Variants in CTTN observed in about 807,000 individuals in gnomAD.
CTTN encodes cortactin, also known as src substrate cortactin.
A neutral mutation model predicts 84.0 loss-of-function variants in CTTN; 28 were observed. That is an observed-to-expected ratio of 0.33 (90% CI 0.25 to 0.46). The LOEUF (loss-of-function observed/expected upper bound fraction) is 0.46. CTTN is among the 20% of genes least tolerant of loss of function. CTTN has a pLI of 1.00. For synonymous variants in CTTN, 301 were observed against 288.8 expected (o/e 1.04, Z -0.43); for missense variants, 641 against 723.8 (o/e 0.89, Z 1.31).
rs370623790 is a variant in CTTN at position 70,435,253 on chromosome 11, GTTTTTTTTTTTTTTTTT to G, written c.*100_*116del. ...TCTTGGGTGGTTTTGGGTTTTTTCT[GTTTTTTTTTTTTTTTTT>G]TTTTTTTTGAAGGTGGGGAGGGGAA... On this transcript the variant is annotated 3_prime_UTR_variant, in exon 18 of 18. Transcript: ENST00000301843. The G allele has an allele frequency of 2.0e-5, 19 of 938,810 alleles. No individual in the cohort carries two copies. Among genetic ancestry groups the G allele is most frequent in the African/African-American group, 5.3e-5 (2 of 37,530 alleles). The allele number at this position is 938,810 out of a possible 1,614,324, so 58.2% of individuals were successfully genotyped here.
intron 15 of CTTN, among the ~76,000 whole-genome samples, chr11:70,431,759 T>G (rs1183249603): frequency 6.6e-6 from 1 of 152,118 alleles, no homozygotes; most frequent in African/African-American, 2.4e-5. Flanking sequence ...GCAGACATGC[T>G]GTCCGGCCCC....
At chr11:70,434,097 G>C (rs1222274812) in intron 17 of CTTN, among the ~76,000 whole-genome samples, 1 of 152,196 alleles carries the variant, frequency 6.6e-6, no homozygotes, top group Non-Finnish European at 1.5e-5. Flanking sequence ...CCCCATTCCT[G>C]CCTGTCCTGC....
At chr11:70,422,308 G>A (rs1056200085) in intron 11 of CTTN, 4 of 360,660 alleles carry the variant, frequency 1.1e-5, no homozygotes, top group African/African-American at 6.4e-5. Flanking sequence ...TCCACCTGCA[G>A]CGTTAGAAAC....
intron 6 of CTTN, among the ~76,000 whole-genome samples, 156 bp from the exon 7 acceptor site, chr11:70,415,507 C>T (rs1591438636): frequency 6.6e-6 from 1 of 152,318 alleles, no homozygotes; most frequent in South Asian, 2.1e-4. Context: ...AGAGCTCTTG[C>T]GTCACTGCCA....
chr11:70,422,835 T>A (rs774032918), intron 11 of CTTN, 105 bp from the exon 12 acceptor site: 33 of 1,577,694 alleles, frequency 2.1e-5, no homozygotes, highest in Admixed American at 7.2e-5. Flanking sequence ...CTTCCCGCTG[T>A]GGTGCACCTT....
chr11:70,406,524 A>G lies in CTTN; in HGVS notation c.1-774A>G, dbSNP rs1487606095. Among the ~76,000 whole-genome samples the G allele has an allele frequency of 3.3e-5, 5 of 151,910 alleles. No homozygotes were observed. In the East Asian group the frequency reaches 9.6e-4, roughly 29 times the overall value. ...CACTTCTTTTTATACATAGTTTGAA[A>G]AAAAAAAAAAAACCTTAAAATTTTA... On this transcript the variant is annotated intron_variant, in intron 2 of 17. Coordinates refer to ENST00000301843, the MANE Select transcript of CTTN (RefSeq NM_005231.4).
intron 13 of CTTN, among the ~76,000 whole-genome samples, chr11:70,426,065 A>G (rs1240261816): frequency 1.3e-5 from 2 of 152,190 alleles, no homozygotes; most frequent in African/African-American, 4.8e-5. Context: ...ACCACTCGTG[A>G]GAACCCCCAA....
rs769724188 is a variant in CTTN at position 70,433,261 on chromosome 11, C to T, written c.1427C>T (p.Pro476Leu). The change falls in exon 16 of 18, where the codon CCG becomes CTG. Residue 476 changes from proline (P) to leucine (L), a missense_variant. Physicochemically the swap from Pro to Leu is moderately conservative, Grantham distance 98 (BLOSUM62 -3). This residue lies in a region of CTTN where 289 missense variants were observed against 273.1 expected (regional missense o/e 1.06). Coordinates refer to ENST00000301843, the MANE Select transcript of CTTN (RefSeq NM_005231.4). ...GCTGTCTATGAAAGCGCAGAGGCCC[C>T]GGGCCACTATCCCGCAGGTACTGGG... Reference protein sequence around the residue: ...TEAVYESAEAPGHYPAEDSTY... With the variant: ...TEAVYESAEALGHYPAEDSTY... 26 of 1,611,058 alleles carry T rather than the reference C, an allele frequency of 1.6e-5. No homozygotes were observed. The highest frequency in any genetic ancestry group is 1.3e-4 in the South Asian group (12 of 91,008).
intron 13 of CTTN, among the ~76,000 whole-genome samples, chr11:70,428,635 C>G (rs2058323529): frequency 6.6e-6 from 1 of 152,146 alleles, no homozygotes; most frequent in Non-Finnish European, 1.5e-5. Context: ...TTTTGTCACA[C>G]ACAATATAAA....
At chr11:70,415,806 G>C (rs2058151785) in intron 7 of CTTN, 89 bp downstream of exon 7, 1 of 1,361,588 alleles carries the variant, frequency 7.3e-7, no homozygotes, top group Non-Finnish European at 1.0e-6. Context: ...CCGCGCTCCG[G>C]GGGCCCTGAT....
intron 5 of CTTN, among the ~76,000 whole-genome samples, chr11:70,414,339 T>C (rs619650): frequency 0.55 from 81,840 of 149,256 alleles, 24,588 homozygotes; most frequent in African/African-American, 0.8. Context: ...AGCAAGACTC[T>C]GTCTCAAAAA....
intron 7 of CTTN, 158 bp downstream of exon 7, chr11:70,415,875 GACTCT>G: frequency 1.5e-6 from 1 of 687,600 alleles, no homozygotes; most frequent in South Asian, 1.7e-5. Context: ...CCACAAGGAG[GACTCT>G]GCCCTCCTCT....
At position 70,435,078 on chromosome 11, in the gene CTTN, G is replaced by A; in HGVS notation, c.1569G>A (p.Glu523=). The change falls in exon 18 of 18, where the codon GAG becomes GAA. Residue 523 remains glutamate, a synonymous_variant. Coordinates refer to ENST00000301843, the MANE Select transcript of CTTN (RefSeq NM_005231.4). ...CTGATGACATCATCACCAACATCGA[G>A]ATGATTGACGACGGCTGGTGGCGCG... ...FDPDDIITNI[E]MIDDGWWRGV... The A allele has an allele frequency of 6.2e-7, 1 of 1,614,100 alleles. No individual in the cohort carries two copies. Among genetic ancestry groups the A allele is most frequent in the East Asian group, 2.2e-5 (1 of 44,870 alleles).
At position 70,410,770 on chromosome 11, in the gene CTTN, T is replaced by C. The variant is rs76315455; in HGVS notation, c.291+810T>C. 3.1e-3 allele frequency among the ~76,000 whole-genome samples: 479 copies of C among 152,344 alleles called. 1 individual carries two copies. Among genetic ancestry groups the C allele is most frequent in the Non-Finnish European group, 5.6e-3 (384 of 68,032 alleles). On this transcript the variant is annotated intron_variant, in intron 5 of 17. Transcript: ENST00000301843. ...AAGCTTGTTCTGACCTGACAGATGCTTGCCTTTACTCTGTGGAAAGAAGTG... is the reference window on the plus strand; with the variant it reads ...AAGCTTGTTCTGACCTGACAGATGCCTGCCTTTACTCTGTGGAAAGAAGTG...
Position 70,398,604 on chromosome 11 carries a change from C to T in CTTN, c.-108C>T, listed in dbSNP as rs574111238. On this transcript the variant is annotated 5_prime_UTR_variant, in exon 1 of 18. Transcript: ENST00000301843. The stretch of plus-strand genomic sequence containing the variant: ...CAGGGCCGACCCGGGCCGGACCGAC[C>T]CCAGGCGGCGGTGAGCGAGCGCGGC... 3 of 152,302 alleles carry T rather than the reference C, an allele frequency of 2.0e-5. No individual in the cohort carries two copies. Among genetic ancestry groups the T allele is most frequent in the African/African-American group, 7.2e-5 (3 of 41,574 alleles). 9.4% of individuals were successfully genotyped at this position (152,302 alleles called of 1,614,324 possible).
chr11:70,415,508 G>A lies in CTTN; in HGVS notation c.403-155G>A, dbSNP rs1346551157. Among the ~76,000 whole-genome samples, 6 of 152,296 alleles carry A rather than the reference G, an allele frequency of 3.9e-5. No homozygotes were observed. In the East Asian group the frequency reaches 5.8e-4, roughly 15 times the overall value. On this transcript the variant is annotated intron_variant, in intron 6 of 17. Transcript: ENST00000301843. ...CCGTTTAGGATGCCAGAGCTCTTGCGTCACTGCCACCTGCACCTGGCTTAG... is the reference window on the plus strand; with the variant it reads ...CCGTTTAGGATGCCAGAGCTCTTGCATCACTGCCACCTGCACCTGGCTTAG...
chr11:70,418,395 A>G (rs2058188647), intron 8 of CTTN, among the ~76,000 whole-genome samples: 1 of 152,248 alleles, frequency 6.6e-6, no homozygotes, highest in Non-Finnish European at 1.5e-5. Flanking sequence ...GCGAAGCTGC[A>G]TGAGTGTGTG....
In CTTN at chr11:70,435,029, G is replaced by T. The variant is rs377166832; in HGVS notation, c.1520G>T (p.Gly507Val). The change falls in exon 18 of 18, where the codon GGC (glycine) becomes GTC (valine). Residue 507 changes from glycine (G) to valine (V), a missense_variant. Physicochemically the swap from Gly to Val is moderately radical, Grantham distance 109. Transcript: ENST00000301843. ...TTCTCTGTGTTCTCTTCCCCAGCGG[G>T]CGATGATGAGATCTCATTTGACCCT... is the stretch of plus-strand genomic sequence containing the variant. ...AVALYDYQAA[G>V]DDEISFDPDD... 7 of 1,613,938 alleles carry T rather than the reference G, an allele frequency of 4.3e-6. No individual in the cohort carries two copies. Among genetic ancestry groups the T allele is most frequent in the Non-Finnish European group, 5.9e-6 (7 of 1,179,992 alleles).
chr11:70,417,005 C>T lies in CTTN; in HGVS notation c.458-8C>T. 6.2e-7 allele frequency: 1 copy of T among 1,611,416 alleles called. No individual in the cohort carries two copies. Among genetic ancestry groups the T allele is most frequent in the Non-Finnish European group, 8.5e-7 (1 of 1,177,486 alleles). ...GCCCCCGTGCTAATTGCTGCCCTGT[C>T]TCTCCAGACTACTCCAGTGGTTTTG... is the stretch of plus-strand genomic sequence containing the variant. On this transcript the variant is annotated splice_region_variant and splice_polypyrimidine_tract_variant and intron_variant, in intron 7 of 17. Transcript: ENST00000301843.
Sources: gnomAD v4.1 joint callset for allele counts (sites outside exome capture counted in the v4.1 genomes callset) on GRCh38, gnomAD v4.1.1 for gene constraint, gnomAD v4.1.1 regional missense constraint, MANE v1.5 for transcripts, NCBI Gene and HGNC (gene_info 2026-07-23, HGNC 2026-07-21) for gene names.